RARB: variants seen among roughly 807,000 people sequenced by gnomAD.
The protein encoded by RARB is HBV-activated protein.
In RARB, 17 loss-of-function variants were observed where a neutral mutation model predicts 51.9. The observed-to-expected ratio is 0.33, with a 90% CI of 0.22 to 0.49. RARB has a LOEUF of 0.49. RARB is among the 20% of genes least tolerant of loss of function. RARB has a pLI of 0.99. For synonymous variants in RARB, 215 were observed against 195.4 expected (o/e 1.10, Z -0.84); for missense variants, 369 against 550.8 (o/e 0.67, Z 3.30).
intron 1 of RARB, among the ~76,000 whole-genome samples, chr3:24,844,698 T>C (rs191328613): frequency 1.9e-3 from 288 of 152,294 alleles, no homozygotes; most frequent in African/African-American, 6.5e-3. Flanking sequence ...TTGTGATAAA[T>C]ATATCTAAAT....
At chr3:25,156,232 G>A (rs534483153) in intron 4 of RARB, among the ~76,000 whole-genome samples, 1 of 152,328 alleles carries the variant, frequency 6.6e-6, no homozygotes, top group Admixed American at 6.5e-5. Context: ...ATGGGTCTGT[G>A]TTGATGGACA....
intron 2 of RARB, among the ~76,000 whole-genome samples, chr3:24,904,044 GT>G (rs758085165): frequency 8.5e-5 from 13 of 152,154 alleles, no homozygotes; most frequent in Non-Finnish European, 1.9e-4. Flanking sequence ...TTCCCAAAAG[GT>G]GAAGGAAATG....
At chr3:25,076,073 C>T (rs1282603841) in intron 3 of RARB, among the ~76,000 whole-genome samples, 3 of 151,806 alleles carry the variant, frequency 2.0e-5, no homozygotes, top group Non-Finnish European at 4.4e-5. Context: ...ATAATCTGTT[C>T]AAAGATTTCA....
chr3:25,193,008 G>C (rs6807744), intron 5 of RARB, among the ~76,000 whole-genome samples: 5,696 of 152,084 alleles, frequency 0.037, 249 homozygotes, highest in African/African-American at 0.1. Flanking sequence ...AGACATTGTA[G>C]GTGGAAAAAG....
At chr3:25,101,888 A>T (rs1699407106) in intron 3 of RARB, among the ~76,000 whole-genome samples, 1 of 152,056 alleles carries the variant, frequency 6.6e-6, no homozygotes, top group African/African-American at 2.4e-5. Context: ...GCTCTATTTA[A>T]GCAAAAACTT....
intron 2 of RARB, among the ~76,000 whole-genome samples, chr3:25,010,480 A>G (rs1056066809): frequency 6.6e-5 from 10 of 152,178 alleles, no homozygotes; most frequent in African/African-American, 2.4e-4. Context: ...GTTATATAAC[A>G]TAATATTTAC....
intron 3 of RARB, among the ~76,000 whole-genome samples, chr3:25,082,563 C>T (rs1196710480): frequency 1.3e-5 from 2 of 152,000 alleles, no homozygotes; most frequent in Non-Finnish European, 2.9e-5. Flanking sequence ...TCTATTTACC[C>T]TCTCCTGTCT....
At chr3:24,970,773 T>C (rs1696380744) in intron 2 of RARB, among the ~76,000 whole-genome samples, 1 of 152,070 alleles carries the variant, frequency 6.6e-6, no homozygotes, top group African/African-American at 2.4e-5. Context: ...TTCTAGTTCA[T>C]AAACTTATAT....
At chr3:25,282,595 C>T (rs1418248422) in intron 5 of RARB, among the ~76,000 whole-genome samples, 1 of 152,118 alleles carries the variant, frequency 6.6e-6, no homozygotes, top group African/African-American at 2.4e-5. Context: ...CTAAATTAGT[C>T]CCTGGAATAT....
chr3:24,947,049 A>G (rs71311517), intron 2 of RARB, among the ~76,000 whole-genome samples: 18,950 of 152,204 alleles, frequency 0.12, 1,377 homozygotes, highest in Non-Finnish European at 0.16. Flanking sequence ...AGGTAATTTG[A>G]TGGAAGGATT....
At chr3:25,218,091 G>C (rs972313613) in intron 5 of RARB, among the ~76,000 whole-genome samples, 5 of 152,046 alleles carry the variant, frequency 3.3e-5, no homozygotes, top group Admixed American at 3.3e-4. Context: ...AAGTTAACTG[G>C]TATTTCCTAT....
At chr3:25,318,524 G>T (rs556972483) in intron 5 of RARB, among the ~76,000 whole-genome samples, 3 of 152,234 alleles carry the variant, frequency 2.0e-5, no homozygotes, top group Non-Finnish European at 4.4e-5. Context: ...GAATGGCTCG[G>T]CCAGTTCATA....
intron 5 of RARB, among the ~76,000 whole-genome samples, chr3:25,374,315 C>G (rs1230847587): frequency 6.6e-6 from 1 of 152,124 alleles, no homozygotes; most frequent in Non-Finnish European, 1.5e-5. Context: ...CCAGTTATCA[C>G]AAACCAGAAT....
At chr3:25,426,634 ACTCT>A (rs1256187935), upstream of RARB, among the ~76,000 whole-genome samples, 1 of 151,884 alleles carries the variant, frequency 6.6e-6, no homozygotes, top group Non-Finnish European at 1.5e-5. Flanking sequence ...GGGCAAGGAG[ACTCT>A]CCCTCCCTGC....
intron 2 of RARB, among the ~76,000 whole-genome samples, chr3:24,882,008 T>A (rs535505572): frequency 6.6e-6 from 1 of 152,310 alleles, no homozygotes; most frequent in African/African-American, 2.4e-5. Context: ...ATAGATTATA[T>A]GAATATTGCC....
intron 5 of RARB, among the ~76,000 whole-genome samples, chr3:25,290,509 C>T (rs888285044): frequency 1.3e-5 from 2 of 152,156 alleles, no homozygotes; most frequent in African/African-American, 4.8e-5. Flanking sequence ...GCAAACTAAT[C>T]CACTGTGTGG....
chr3:25,506,016 A>T (rs1697569246), intron 3 of RARB, among the ~76,000 whole-genome samples: 1 of 152,174 alleles, frequency 6.6e-6, no homozygotes, highest in African/African-American at 2.4e-5. Flanking sequence ...AAGCCTGATC[A>T]TATGCATTTA....
At chr3:24,935,377 C>G (rs2125396312) in intron 2 of RARB, among the ~76,000 whole-genome samples, 1 of 152,208 alleles carries the variant, frequency 6.6e-6, no homozygotes, top group East Asian at 1.9e-4. Flanking sequence ...CCCACACACA[C>G]CCACACTCTC....
intron 1 of RARB, among the ~76,000 whole-genome samples, chr3:24,842,873 C>T (rs1213668857): frequency 1.3e-5 from 2 of 152,204 alleles, no homozygotes; most frequent in Admixed American, 6.5e-5. Context: ...GGCCACATAA[C>T]GATAGTCACA....
Sources: allele counts gnomAD v4.1 joint callset (sites outside exome capture counted in the v4.1 genomes callset), GRCh38; gene constraint gnomAD v4.1.1; transcripts MANE v1.5; gene names NCBI Gene and HGNC (gene_info 2026-07-23, HGNC 2026-07-21).